RBFOX2: variants seen among roughly 807,000 people sequenced by gnomAD.
RBFOX2 encodes RNA binding fox-1 homolog 2, also known as RNA binding protein fox-1 homolog 2.
RBFOX2 carries 10 observed loss-of-function variants against 49.1 expected under a neutral mutation model. The ratio of observed to expected loss-of-function variants is 0.20; its 90% CI spans 0.13 to 0.35. The LOEUF is 0.35. Among genes scored for constraint, RBFOX2 ranks in the 10% least tolerant of loss-of-function variants. RBFOX2 has a pLI of 1.00. For synonymous variants in RBFOX2, 183 were observed against 187.4 expected (o/e 0.98, Z 0.19); for missense variants, 323 against 486.9 (o/e 0.66, Z 3.17).
At chr22:36,023,050 C>A (rs142847148) in intron 1 of RBFOX2, among the ~76,000 whole-genome samples, 1 of 151,926 alleles carries the variant, frequency 6.6e-6, no homozygotes, top group African/African-American at 2.4e-5. Flanking sequence ...AAATATTGTT[C>A]ATGAAATTAC....
chr22:35,960,094 A>G (rs1269830794), intron 1 of RBFOX2, among the ~76,000 whole-genome samples: 2 of 152,204 alleles, frequency 1.3e-5, no homozygotes, highest in African/African-American at 4.8e-5. Flanking sequence ...ACAATACGCC[A>G]ACTGTACAGA....
intron 1 of RBFOX2, among the ~76,000 whole-genome samples, chr22:35,922,248 A>G (rs900620682): frequency 6.6e-6 from 1 of 152,214 alleles, no homozygotes; most frequent in African/African-American, 2.4e-5. Context: ...TGAGTTTGTA[A>G]ATAGTGTCAA....
exon 1 of RBFOX2, chr22:36,028,394 GGCGGCTGAT>G (rs764216096): frequency 1.2e-5 from 15 of 1,258,574 alleles, no homozygotes; most frequent in Non-Finnish European, 1.4e-5. Flanking sequence ...CCCGAGCTGA[GGCGGCTGAT>G]GCGGCTGGGC....
chr22:36,023,694 C>G (rs1465267727), intron 1 of RBFOX2, among the ~76,000 whole-genome samples: 1 of 152,194 alleles, frequency 6.6e-6, no homozygotes, highest in Non-Finnish European at 1.5e-5. Context: ...TCTTTAACTA[C>G]ATTTCTCAAA....
At chr22:35,796,558 C>A (rs1948824050) in intron 2 of RBFOX2, among the ~76,000 whole-genome samples, 1 of 152,118 alleles carries the variant, frequency 6.6e-6, no homozygotes, top group East Asian at 1.9e-4. Context: ...GATAATACAT[C>A]AAAACTTGAC....
chr22:35,844,724 T>G (rs757666840), upstream of RBFOX2, among the ~76,000 whole-genome samples: 1 of 151,354 alleles, frequency 6.6e-6, no homozygotes, highest in Non-Finnish European at 1.5e-5. Flanking sequence ...CAGGCTGGTC[T>G]TGAACTCCTG....
chr22:35,870,234 C>T (rs2044197182), intron 1 of RBFOX2, among the ~76,000 whole-genome samples: 1 of 152,132 alleles, frequency 6.6e-6, no homozygotes, highest in Admixed American at 6.5e-5. Context: ...CATGGTTGGG[C>T]ACGGTGGCTC....
chr22:35,830,988 T>C (rs1029101726), intron 1 of RBFOX2, among the ~76,000 whole-genome samples: 2 of 152,168 alleles, frequency 1.3e-5, no homozygotes, highest in African/African-American at 4.8e-5. Flanking sequence ...ACTGTCTCTC[T>C]GTCATGAAGC....
chr22:35,797,176 A>C (rs1348892032), intron 2 of RBFOX2, among the ~76,000 whole-genome samples: 1 of 152,130 alleles, frequency 6.6e-6, no homozygotes, highest in African/African-American at 2.4e-5. Flanking sequence ...CCTTCTTTTA[A>C]ATCAAAATAT....
At chr22:36,025,264 T>C (rs2059389630) in intron 1 of RBFOX2, among the ~76,000 whole-genome samples, 1 of 152,216 alleles carries the variant, frequency 6.6e-6, no homozygotes. Context: ...TCAATGCCTG[T>C]GCACCCTCAC....
exon 12 of RBFOX2, chr22:35,740,980 C>G (rs1929654492): frequency 6.6e-6 from 1 of 152,174 alleles, no homozygotes; most frequent in Non-Finnish European, 1.5e-5. Context: ...TCCCCTCAGA[C>G]TAAAAGTTGT....
intron 1 of RBFOX2, among the ~76,000 whole-genome samples, chr22:35,974,029 T>C (rs886331855): frequency 6.6e-6 from 1 of 152,176 alleles, no homozygotes; most frequent in Non-Finnish European, 1.5e-5. Flanking sequence ...AGCTGAACTG[T>C]AGGAGGTGCC....
intron 1 of RBFOX2, among the ~76,000 whole-genome samples, chr22:35,850,847 T>C (rs552034706): frequency 3.9e-4 from 60 of 152,290 alleles, no homozygotes; most frequent in African/African-American, 1.4e-3. Flanking sequence ...AAAATTAATG[T>C]TTATTAAAAG....
At chr22:35,874,155 T>A (rs2044713351) in intron 1 of RBFOX2, among the ~76,000 whole-genome samples, 1 of 152,140 alleles carries the variant, frequency 6.6e-6, no homozygotes, top group Non-Finnish European at 1.5e-5. Flanking sequence ...GTATCACTAG[T>A]CTCCTCACAA....
At chr22:35,965,648 T>C (rs1416801744), upstream of RBFOX2, among the ~76,000 whole-genome samples, 2 of 152,226 alleles carry the variant, frequency 1.3e-5, no homozygotes, top group African/African-American at 4.8e-5. Flanking sequence ...TCATCAATTC[T>C]ACTTTCCTGT....
chr22:35,895,326 A>G (rs1232693330), intron 1 of RBFOX2, among the ~76,000 whole-genome samples: 1 of 152,214 alleles, frequency 6.6e-6, no homozygotes, highest in Non-Finnish European at 1.5e-5. Context: ...TTCTTTAAAC[A>G]TGAATGAAGC....
In RBFOX2 at chr22:35,749,304, GT is replaced by G. The variant is rs1317895380; in HGVS notation, c.888-2744del. Reference sequence around the variant, plus strand: ...AGCACTAAGAAAAAACACATGAAGAGTTTTTTTTAAAGCAGATGACTTTAAC... The same window carrying G: ...AGCACTAAGAAAAAACACATGAAGAGTTTTTTTAAAGCAGATGACTTTAAC... On this transcript the variant is annotated intron_variant, in intron 9 of 11. Transcript: ENST00000405409. This position sits in a 1 kb window ranked among gnomAD's most constrained non-coding sequence, Gnocchi z 4.1. 6.6e-6 allele frequency among the ~76,000 whole-genome samples: 1 copy of G among 151,906 alleles called. No homozygotes were observed. The highest frequency in any genetic ancestry group is 1.5e-5 in the Non-Finnish European group (1 of 67,966).
intron 1 of RBFOX2, among the ~76,000 whole-genome samples, chr22:36,002,252 T>C (rs1264792453): frequency 6.6e-6 from 1 of 152,194 alleles, no homozygotes; most frequent in Non-Finnish European, 1.5e-5. Context: ...ATTCCACTTC[T>C]CAGAATCCGT....
At chr22:35,776,575 T>C (rs1943958689) in intron 4 of RBFOX2, among the ~76,000 whole-genome samples, 1 of 152,192 alleles carries the variant, frequency 6.6e-6, no homozygotes, top group Non-Finnish European at 1.5e-5. Context: ...TCCCAAAGTA[T>C]GGTGAATTTG....
Sources: gnomAD v4.1 joint callset for allele counts (sites outside exome capture counted in the v4.1 genomes callset) on GRCh38, gnomAD v4.1.1 for gene constraint, Gnocchi (gnomAD v3.1) non-coding constraint, MANE v1.5 for transcripts, NCBI Gene and HGNC (gene_info 2026-07-23, HGNC 2026-07-21) for gene names.